The following KHDRBS2 variants were observed in gnomAD, a reference collection of about 807,000 sequenced individuals.
The protein encoded by KHDRBS2 is KH domain-containing, RNA-binding, signal transduction-associated protein 2.
KHDRBS2 carries 26 observed loss-of-function variants against 44.3 expected under a neutral mutation model. The observed-to-expected ratio is 0.59, with a 90% CI of 0.43 to 0.81. The LOEUF (loss-of-function observed/expected upper bound fraction) is 0.81. KHDRBS2 is among the 40% of genes least tolerant of loss of function. KHDRBS2 has a pLI of 0.00. For synonymous variants in KHDRBS2, 194 were observed against 151.1 expected (o/e 1.28, Z -2.08); for missense variants, 476 against 433.1 (o/e 1.10, Z -0.88).
chr6:61,965,455 A>G (rs1357418536), intron 4 of KHDRBS2, among the ~76,000 whole-genome samples: 2 of 152,042 alleles, frequency 1.3e-5, no homozygotes, highest in African/African-American at 4.8e-5. Flanking sequence ...TTTCGGGTTA[A>G]CATTATTCCC....
intron 8 of KHDRBS2, among the ~76,000 whole-genome samples, chr6:61,694,503 C>A (rs531938921): frequency 1.3e-4 from 20 of 152,264 alleles, no homozygotes; most frequent in African/African-American, 4.6e-4. Context: ...ATTCATTGAT[C>A]ATCCTGTGTA....
intron 6 of KHDRBS2, among the ~76,000 whole-genome samples, chr6:61,861,577 C>CT (rs112714512): frequency 6.9e-4 from 104 of 150,936 alleles, no homozygotes; most frequent in African/African-American, 1.8e-3. Flanking sequence ...GTCTATGTGT[C>CT]TTTTTTTTGT....
the KHDRBS2 span, among the ~76,000 whole-genome samples, chr6:61,560,293 T>C: frequency 4.9e-4 from 75 of 152,316 alleles, no homozygotes; most frequent in Non-Finnish European, 9.1e-4. Flanking sequence ...TAGTCTTCTT[T>C]GGGTGTAGTC....
intron 8 of KHDRBS2, among the ~76,000 whole-genome samples, chr6:61,685,216 A>T (rs959989895): frequency 1.3e-5 from 2 of 151,840 alleles, no homozygotes; most frequent in Non-Finnish European, 2.9e-5. Flanking sequence ...ACTTAGTAAG[A>T]ACACAGGTGC....
At chr6:61,768,356 GGT>G (rs1471259765) in intron 6 of KHDRBS2, among the ~76,000 whole-genome samples, 1 of 152,008 alleles carries the variant, frequency 6.6e-6, no homozygotes, top group Non-Finnish European at 1.5e-5. Context: ...ATATCTGCCT[GGT>G]GTTCTGTCAC....
intron 1 of KHDRBS2, among the ~76,000 whole-genome samples, chr6:62,191,864 T>C (rs918990817): frequency 6.6e-6 from 1 of 152,130 alleles, no homozygotes; most frequent in African/African-American, 2.4e-5. Flanking sequence ...CATGTACGCA[T>C]CTTGGAAACC....
intron 6 of KHDRBS2, among the ~76,000 whole-genome samples, chr6:61,751,081 T>A (rs1379712366): frequency 6.6e-6 from 1 of 151,938 alleles, no homozygotes; most frequent in African/African-American, 2.4e-5. Flanking sequence ...ATTCCATTTA[T>A]TGTTAAGAAG....
At chr6:62,268,287 T>C (rs943303858) in intron 1 of KHDRBS2, among the ~76,000 whole-genome samples, 1 of 152,042 alleles carries the variant, frequency 6.6e-6, no homozygotes, top group Non-Finnish European at 1.5e-5. Context: ...GTCTAGATCA[T>C]TGTTAAATCT....
At chr6:61,580,773 G>A in the KHDRBS2 span, among the ~76,000 whole-genome samples, 13 of 151,990 alleles carry the variant, frequency 8.6e-5, no homozygotes, top group Admixed American at 1.3e-4. Flanking sequence ...ACCAGGGACC[G>A]ACCGGTCCGG....
intron 2 of KHDRBS2, among the ~76,000 whole-genome samples, chr6:62,129,031 T>C (rs1033965477): frequency 3.3e-5 from 5 of 152,082 alleles, no homozygotes. Context: ...ACCTTTTATA[T>C]TCATGAAGTT....
At chr6:61,699,924 G>A (rs933305243) in intron 7 of KHDRBS2, among the ~76,000 whole-genome samples, 1 of 151,924 alleles carries the variant, frequency 6.6e-6, no homozygotes, top group Non-Finnish European at 1.5e-5. Context: ...TGAGATTGTA[G>A]AAGGCTAATG....
intron 6 of KHDRBS2, among the ~76,000 whole-genome samples, chr6:61,881,377 CT>C (rs1031240729): frequency 2.0e-5 from 3 of 151,936 alleles, no homozygotes; most frequent in Admixed American, 6.6e-5. Flanking sequence ...TTGAAAAGAC[CT>C]TTTTTTAATA....
intron 4 of KHDRBS2, among the ~76,000 whole-genome samples, chr6:61,903,718 T>C (rs1258150559): frequency 6.6e-6 from 1 of 152,110 alleles, no homozygotes; most frequent in Non-Finnish European, 1.5e-5. Flanking sequence ...GAAGCAGAGA[T>C]TAGAAAAGTG....
the KHDRBS2 span, among the ~76,000 whole-genome samples, chr6:61,614,193 G>T: frequency 6.6e-6 from 1 of 152,066 alleles, no homozygotes; most frequent in African/African-American, 2.4e-5. Flanking sequence ...AGTTTGCTGA[G>T]GTTGTCTATT....
At chr6:61,650,615 T>A in the KHDRBS2 span, among the ~76,000 whole-genome samples, 2 of 152,052 alleles carry the variant, frequency 1.3e-5, no homozygotes, top group Non-Finnish European at 1.5e-5. Context: ...TGCCTTTTTT[T>A]TTTTTAATTA....
chr6:61,612,693 T>C, the KHDRBS2 span, among the ~76,000 whole-genome samples: 20 of 152,318 alleles, frequency 1.3e-4, no homozygotes, highest in Middle Eastern at 3.4e-3. Context: ...TATTAATTTA[T>C]GGACAAGAAT....
At chr6:62,070,260 TC>T (rs1420109563) in intron 2 of KHDRBS2, among the ~76,000 whole-genome samples, 4 of 151,766 alleles carry the variant, frequency 2.6e-5, no homozygotes, top group Admixed American at 2.6e-4. Flanking sequence ...TATATAGTTT[TC>T]TTTTTCTGTC....
Position 61,992,446 on chromosome 6 carries a change from G to T in KHDRBS2, c.337-14234C>A, listed in dbSNP as rs1015629054. ...TCCACAGACTCAGCAATGCAGAAGT[G>T]ATTGCTCCACAGTATCTTCCATGTA... On this transcript the variant is annotated intron_variant, in intron 3 of 8. Transcript: ENST00000281156. Among the ~76,000 whole-genome samples, 8 of 152,238 alleles carry T rather than the reference G, an allele frequency of 5.3e-5. No individual in the cohort carries two copies. In the East Asian group the frequency reaches 1.4e-3, roughly 26 times the overall value.
At chr6:62,179,052 T>C (rs1420905088) in intron 1 of KHDRBS2, among the ~76,000 whole-genome samples, 1 of 151,642 alleles carries the variant, frequency 6.6e-6, no homozygotes, top group Non-Finnish European at 1.5e-5. Flanking sequence ...ACTAACATTT[T>C]TCCCCCAAAT....
Sources: allele counts gnomAD v4.1 joint callset (sites outside exome capture counted in the v4.1 genomes callset), GRCh38; gene constraint gnomAD v4.1.1; transcripts MANE v1.5; gene names NCBI Gene and HGNC (gene_info 2026-07-23, HGNC 2026-07-21).